The following TOM1L2 variants were observed in gnomAD, a reference collection of about 807,000 sequenced individuals.
The protein encoded by TOM1L2 is target of myb1 like 2 membrane trafficking protein.
Under a neutral mutation model 67.9 loss-of-function variants are expected in TOM1L2, and 31 were observed. That is an observed-to-expected ratio of 0.46 (90% CI 0.34 to 0.62). The LOEUF (loss-of-function observed/expected upper bound fraction) is 0.62. TOM1L2 is among the 20% of genes least tolerant of loss of function. The pLI, the probability that TOM1L2 is intolerant of heterozygous loss-of-function variation, is 0.01. For synonymous variants in TOM1L2, 256 were observed against 254.0 expected, an observed-to-expected ratio of 1.01 and a Z score of -0.07; for missense variants, 606 against 663.5, an observed-to-expected ratio of 0.91 and a Z score of 0.95.
At chr17:17,902,858 C>T (rs1300364773) in intron 2 of TOM1L2, among the ~76,000 whole-genome samples, 1 of 152,162 alleles carries the variant, frequency 6.6e-6, no homozygotes, top group Admixed American at 6.5e-5. Flanking sequence ...TCCTTTAATC[C>T]TTGTAACAAC....
At chr17:17,931,611 A>C (rs1429324625) in intron 1 of TOM1L2, among the ~76,000 whole-genome samples, 1 of 152,212 alleles carries the variant, frequency 6.6e-6, no homozygotes, top group Non-Finnish European at 1.5e-5. Context: ...ACAATGAAGC[A>C]TCTCCCAGAA....
At chr17:17,911,902 T>C (rs1188521610) in intron 1 of TOM1L2, among the ~76,000 whole-genome samples, 1 of 148,526 alleles carries the variant, frequency 6.7e-6, no homozygotes, top group African/African-American at 2.5e-5. Flanking sequence ...AAAGCACATC[T>C]TGCACCGCCC....
intron 10 of TOM1L2, among the ~76,000 whole-genome samples, chr17:17,864,356 G>A (rs1213909902): frequency 4.8e-5 from 7 of 147,160 alleles, no homozygotes; most frequent in African/African-American, 1.3e-4. Flanking sequence ...GACTACAGCC[G>A]CCCACCACCA....
chr17:17,953,490 C>G (rs2041296262), intron 1 of TOM1L2, among the ~76,000 whole-genome samples: 1 of 152,260 alleles, frequency 6.6e-6, no homozygotes, highest in South Asian at 2.1e-4. Flanking sequence ...GAACCACTGT[C>G]CCTGCAAAAG....
chr17:17,888,688 T>C (rs1192403679), intron 4 of TOM1L2, among the ~76,000 whole-genome samples: 1 of 152,212 alleles, frequency 6.6e-6, no homozygotes, highest in African/African-American at 2.4e-5. Context: ...GGAAAGTGCA[T>C]ATGGTTAGAC....
intron 1 of TOM1L2, among the ~76,000 whole-genome samples, chr17:17,914,530 C>A (rs1274755511): frequency 1.3e-5 from 2 of 152,192 alleles, no homozygotes; most frequent in Non-Finnish European, 1.5e-5. Context: ...ATCTCTGGGG[C>A]CTATCTGGCT....
At chr17:17,907,331 A>G in intron 2 of TOM1L2, 116 bp downstream of exon 2, 2 of 883,004 alleles carry the variant, frequency 2.3e-6, no homozygotes, top group Non-Finnish European at 3.4e-6. Flanking sequence ...TCGATGCCAA[A>G]CCAAACATAC....
At chr17:17,894,994 T>TGCATGCAC (rs3075553) in intron 3 of TOM1L2, among the ~76,000 whole-genome samples, 1 of 151,882 alleles carries the variant, frequency 6.6e-6, no homozygotes, top group Non-Finnish European at 1.5e-5. Flanking sequence ...CATGCATGCA[T>TGCATGCAC]AAAATAATGC....
intron 2 of TOM1L2, 121 bp from the exon 3 acceptor site, chr17:17,898,795 A>G: frequency 1.1e-6 from 1 of 940,960 alleles, no homozygotes; most frequent in South Asian, 1.4e-5. Flanking sequence ...TTGTAAATGT[A>G]AAAGACTGGG....
intron 2 of TOM1L2, among the ~76,000 whole-genome samples, chr17:17,902,631 C>T (rs1056322499): frequency 1.3e-5 from 2 of 152,188 alleles, no homozygotes; most frequent in Non-Finnish European, 2.9e-5. Context: ...GCCTGCAGGG[C>T]GTGGCACATG....
At chr17:17,869,546 T>C in intron 7 of TOM1L2, 73 bp from the exon 8 acceptor site, 2 of 1,504,250 alleles carry the variant, frequency 1.3e-6, no homozygotes, top group South Asian at 2.6e-5. Flanking sequence ...TTTGAAAAAA[T>C]TTGTACTGAT....
chr17:17,850,973 G>T (rs371214368), intron 12 of TOM1L2, 21 bp from the exon 13 acceptor site: 34 of 1,613,072 alleles, frequency 2.1e-5, no homozygotes, highest in Non-Finnish European at 2.7e-5. Flanking sequence ...GGCAAGCAGC[G>T]GGCCAGGCAG....
intron 11 of TOM1L2, 129 bp downstream of exon 11, chr17:17,862,602 C>A: frequency 1.3e-6 from 1 of 765,136 alleles, no homozygotes; most frequent in Non-Finnish European, 2.2e-6. Context: ...CAAGTCCTTA[C>A]AGCCATGCTT....
At chr17:17,856,671 T>C (rs2036268670) in intron 12 of TOM1L2, among the ~76,000 whole-genome samples, 1 of 152,266 alleles carries the variant, frequency 6.6e-6, no homozygotes, top group Admixed American at 6.5e-5. Flanking sequence ...ATGTTTGCAC[T>C]GCTTTCATCA....
At chr17:17,903,921 G>A (rs58936409) in intron 2 of TOM1L2, among the ~76,000 whole-genome samples, 1 of 152,148 alleles carries the variant, frequency 6.6e-6, no homozygotes, top group South Asian at 2.1e-4. Flanking sequence ...CTTCAGGGAG[G>A]GCACAAAGGG....
rs139856437 is a variant in TOM1L2, at chr17:17,881,845, C to T, written c.660+860G>A. Among the ~76,000 whole-genome samples the T allele has an allele frequency of 1.2e-4, 18 of 152,340 alleles. No individual in the cohort carries two copies. The East Asian group carries it at 3.3e-3, about 28-fold the overall frequency. On this transcript the variant is annotated intron_variant, in intron 6 of 14. Coordinates refer to ENST00000379504, the MANE Select transcript of TOM1L2 (RefSeq NM_001082968.2). ...ACGACACAACACTGCCATCCCTACA[C>T]ACACATTGCTATCCCTACACACACA...
rs2039506640 is a variant in TOM1L2, at chr17:17,913,720, CTGACCCTGAGGATAAGTTATCATGCCTT to C, written c.53-6217_53-6190del. On this transcript the variant is annotated intron_variant, in intron 1 of 14. Transcript: ENST00000379504. The stretch of plus-strand genomic sequence containing the variant: ...AATCCCAGTAATTGAATAGAATGCA[CTGACCCTGAGGATAAGTTATCATGCCTT>C]TGAACCCTTCCCCAGTATCATAAGA... 2.6e-5 allele frequency among the ~76,000 whole-genome samples: 4 copies of C among 152,156 alleles called. No individual in the cohort carries two copies. In the South Asian group the frequency reaches 8.3e-4, roughly 32 times the overall value.
At chr17:17,916,135 G>A (rs1485882489) in intron 1 of TOM1L2, among the ~76,000 whole-genome samples, 2 of 149,124 alleles carry the variant, frequency 1.3e-5, no homozygotes, top group Non-Finnish European at 1.5e-5. Flanking sequence ...GTGCAGTGGC[G>A]CGATCTCAGC....
chr17:17,933,207 G>C (rs1409532486), intron 1 of TOM1L2, among the ~76,000 whole-genome samples: 2 of 152,102 alleles, frequency 1.3e-5, no homozygotes, highest in Non-Finnish European at 2.9e-5. Flanking sequence ...CCTTCCAGCT[G>C]CAAGGCACCA....
Sources: allele counts gnomAD v4.1 joint callset (sites outside exome capture counted in the v4.1 genomes callset), GRCh38; gene constraint gnomAD v4.1.1; transcripts MANE v1.5; gene names NCBI Gene and HGNC (gene_info 2026-07-23, HGNC 2026-07-21).